The following LRRC4C variants were observed in gnomAD, a reference collection of about 807,000 sequenced individuals.
LRRC4C encodes the protein leucine rich repeat containing 4C, also known as leucine-rich repeat-containing protein 4C.
In LRRC4C, 5 loss-of-function variants were observed where a neutral mutation model predicts 33.6. The observed-to-expected ratio is 0.15, with a 90% CI of 0.08 to 0.31. The LOEUF is 0.31. Ranked by LOEUF, LRRC4C falls within the 10% of genes least tolerant of loss-of-function variation. LRRC4C has a pLI of 1.00. For missense variants in LRRC4C, 560 were observed against 796.7 expected (o/e 0.70, Z 3.58); for synonymous variants, 329 against 302.0 (o/e 1.09, Z -0.93).
At chr11:40,737,622 T>G (rs1219131762) in intron 2 of LRRC4C, among the ~76,000 whole-genome samples, 1 of 151,404 alleles carries the variant, frequency 6.6e-6, no homozygotes, top group Non-Finnish European at 1.5e-5. Context: ...CATTCACAAC[T>G]GCTACAGAGA....
chr11:41,119,354 TGGA>T (rs1222819018), intron 1 of LRRC4C, among the ~76,000 whole-genome samples: 2 of 152,172 alleles, frequency 1.3e-5, no homozygotes, highest in African/African-American at 4.8e-5. Context: ...AGCTAGTGAG[TGGA>T]GAAGTCACTC....
At chr11:40,794,367 C>T (rs985837509) in intron 2 of LRRC4C, among the ~76,000 whole-genome samples, 1 of 107,920 alleles carries the variant, frequency 9.3e-6, no homozygotes, top group East Asian at 2.3e-4. Flanking sequence ...CTCTCATAAA[C>T]GCCAGCAAAA....
At chr11:40,361,077 G>T (rs1947926313) in intron 3 of LRRC4C, among the ~76,000 whole-genome samples, 1 of 152,086 alleles carries the variant, frequency 6.6e-6, no homozygotes, top group African/African-American at 2.4e-5. Context: ...ACTATACTAG[G>T]TGTTGAAGGA....
chr11:40,521,861 C>T (rs1955830495), intron 3 of LRRC4C, among the ~76,000 whole-genome samples: 1 of 151,080 alleles, frequency 6.6e-6, no homozygotes, highest in South Asian at 2.1e-4. Flanking sequence ...GAGCGAGACA[C>T]CGTCTCAAAA....
At chr11:40,600,728 T>C (rs1225863465) in intron 3 of LRRC4C, among the ~76,000 whole-genome samples, 1 of 152,212 alleles carries the variant, frequency 6.6e-6, no homozygotes, top group Non-Finnish European at 1.5e-5. Flanking sequence ...GAAACATTAT[T>C]AGAATTTTGG....
intron 1 of LRRC4C, among the ~76,000 whole-genome samples, chr11:41,323,206 C>T (rs531066391): frequency 2.8e-4 from 42 of 152,164 alleles, no homozygotes; most frequent in African/African-American, 9.4e-4. Flanking sequence ...GAGCTGAACA[C>T]CCCCATTTAT....
intron 5 of LRRC4C, among the ~76,000 whole-genome samples, chr11:40,187,304 C>G (rs1861480173): frequency 6.6e-6 from 1 of 151,710 alleles, no homozygotes; most frequent in Non-Finnish European, 1.5e-5. Context: ...AGGTGAAATG[C>G]CTTTCGGGAG....
intron 2 of LRRC4C, among the ~76,000 whole-genome samples, chr11:40,744,059 T>C (rs1286126288): frequency 6.6e-6 from 1 of 152,156 alleles, no homozygotes; most frequent in Admixed American, 6.6e-5. Flanking sequence ...TAGATTCTTA[T>C]GTATGTACAT....
At chr11:40,907,709 T>C (rs1956483875) in intron 2 of LRRC4C, among the ~76,000 whole-genome samples, 1 of 152,178 alleles carries the variant, frequency 6.6e-6, no homozygotes, top group Admixed American at 6.5e-5. Context: ...TTATTCTCAG[T>C]GAAAACACAT....
chr11:41,248,338 C>T (rs1463362329), intron 1 of LRRC4C, among the ~76,000 whole-genome samples: 1 of 152,140 alleles, frequency 6.6e-6, no homozygotes, highest in Non-Finnish European at 1.5e-5. Flanking sequence ...GGCCTTCACC[C>T]TCTGTTTACA....
intron 5 of LRRC4C, among the ~76,000 whole-genome samples, chr11:40,186,129 A>G (rs1861383343): frequency 6.6e-6 from 1 of 152,198 alleles, no homozygotes; most frequent in Non-Finnish European, 1.5e-5. Flanking sequence ...CTCTGGTTCT[A>G]CCTACAGGAG....
chr11:40,290,190 T>C (rs912831032), intron 4 of LRRC4C, among the ~76,000 whole-genome samples: 5 of 152,176 alleles, frequency 3.3e-5, no homozygotes, highest in African/African-American at 4.8e-5. Context: ...TCTTTGTCAT[T>C]GTGCTAAATT....
chr11:41,318,855 A>G (rs560868135), intron 1 of LRRC4C, among the ~76,000 whole-genome samples: 9 of 152,326 alleles, frequency 5.9e-5, no homozygotes, highest in Admixed American at 5.2e-4. Flanking sequence ...ACACAACTTC[A>G]CATTGTAGCT....
intron 3 of LRRC4C, among the ~76,000 whole-genome samples, chr11:40,469,425 C>T (rs1952816258): frequency 6.6e-6 from 1 of 152,140 alleles, no homozygotes. Flanking sequence ...ACCACCAGGG[C>T]CCTGGGTTTC....
At chr11:40,856,582 C>G (rs1565138840) in intron 2 of LRRC4C, among the ~76,000 whole-genome samples, 1 of 152,142 alleles carries the variant, frequency 6.6e-6, no homozygotes, top group Non-Finnish European at 1.5e-5. Flanking sequence ...AACATGTTCT[C>G]TTAGAATTAA....
intron 2 of LRRC4C, among the ~76,000 whole-genome samples, chr11:40,750,864 A>C (rs191705872): frequency 6.6e-6 from 1 of 152,076 alleles, no homozygotes; most frequent in African/African-American, 2.4e-5. Context: ...AGATATAAAA[A>C]TTGTCAACAA....
At chr11:40,683,781 G>T (rs1199122471) in intron 2 of LRRC4C, among the ~76,000 whole-genome samples, 1 of 152,118 alleles carries the variant, frequency 6.6e-6, no homozygotes, top group Non-Finnish European at 1.5e-5. Context: ...CTCATAAAAA[G>T]AAAGAATAGA....
chr11:41,163,301 T>TTTC (rs71063903), intron 1 of LRRC4C, among the ~76,000 whole-genome samples: 1 of 140,508 alleles, frequency 7.1e-6, no homozygotes, highest in African/African-American at 2.6e-5. Context: ...TTTTTTTTTT[T>TTTC]CAAACAGGGT....
Position 41,034,238 on chromosome 11 carries a change from G to T in LRRC4C, c.-495-100515C>A, listed in dbSNP as rs944388872. 1.8e-4 allele frequency among the ~76,000 whole-genome samples: 27 copies of T among 151,772 alleles called. 1 individual carries two copies. The highest frequency in any genetic ancestry group is 3.4e-4 in the Non-Finnish European group (23 of 67,968). ...AAAGCAAGCTCTCCCTGGCCAACTT[G>T]CCTTGCCTTCTCATCCTGTGATACC... On this transcript the variant is annotated intron_variant, in intron 1 of 6. Coordinates refer to ENST00000528697, the MANE Select transcript of LRRC4C (RefSeq NM_001258419.2).
Sources: gnomAD v4.1 joint callset for allele counts (sites outside exome capture counted in the v4.1 genomes callset) on GRCh38, gnomAD v4.1.1 for gene constraint, MANE v1.5 for transcripts, NCBI Gene and HGNC (gene_info 2026-07-23, HGNC 2026-07-21) for gene names.